The following SORD variants were observed in gnomAD, a reference collection of about 807,000 sequenced individuals.
SORD encodes sorbitol dehydrogenase, also known as (R,R)-butanediol dehydrogenase.
Under a neutral mutation model 35.6 loss-of-function variants are expected in SORD, and 18 were observed. The observed-to-expected ratio is 0.51, with a 90% CI of 0.35 to 0.75. The LOEUF (loss-of-function observed/expected upper bound fraction) is 0.75, where lower values mean the gene tolerates loss of function less well. Ranked by LOEUF, SORD falls within the 30% of genes least tolerant of loss-of-function variation. The pLI is 0.01. For missense variants in SORD, 250 were observed against 390.2 expected (o/e 0.64, Z 3.03); for synonymous variants, 106 against 152.9 (o/e 0.69, Z 2.26).
Position 45,073,525 on chromosome 15 carries a change from C to T in SORD, c.1069C>T (p.Pro357Ser). Reference protein sequence around the residue: ...MLKCDPSDQNP With the variant: ...MLKCDPSDQNS The stretch of plus-strand genomic sequence containing the variant: ...CAAGTGTGACCCCAGTGACCAGAAT[C>T]CCTGATGTTAATGGGCTCTGCCCTC... Residue 357 changes from proline (P) to serine (S), a missense_variant, in exon 9 of 9, where the codon CCC becomes TCC. Physicochemically the swap from Pro to Ser is moderately conservative, Grantham distance 74. Around this residue, in one of 8 missense-constraint regions of SORD, gnomAD observed 17 missense variants for 26.2 expected, o/e 0.65. Coordinates refer to ENST00000267814, the MANE Select transcript of SORD (RefSeq NM_003104.6). The T allele has an allele frequency of 1.3e-6, 2 of 1,588,592 alleles. No homozygotes were observed. The highest frequency in any genetic ancestry group is 1.8e-5 in the Admixed American group (1 of 55,978).
At chr15:45,037,341 G>A (rs1205517396) in intron 1 of SORD, among the ~76,000 whole-genome samples, 1 of 152,190 alleles carries the variant, frequency 6.6e-6, no homozygotes, top group Non-Finnish European at 1.5e-5. Context: ...TTACAGTAGT[G>A]TTCTCTCTAG....
chr15:45,034,263 G>C (rs1236927419), intron 1 of SORD, among the ~76,000 whole-genome samples: 2 of 150,258 alleles, frequency 1.3e-5, no homozygotes, highest in Non-Finnish European at 3.0e-5. Flanking sequence ...CGCAGCTGGT[G>C]GGGGAAGCCT....
chr15:45,061,139 T>C lies in SORD; in HGVS notation c.338T>C (p.Leu113Pro), dbSNP rs1368279112. Residue 113 changes from leucine to proline, a missense_variant, in exon 4 of 9, where the codon CTG becomes CCG. Physicochemically the swap from Leu to Pro is moderately conservative, Grantham distance 98. Coordinates refer to ENST00000267814, the MANE Select transcript of SORD (RefSeq NM_003104.6). ...TTCTGCAAGATGGGCCGATACAATC[T>C]GTCACCTTCCATCTTCTTCTGTGCC... ...DEFCKMGRYN[L>P]SPSIFFCATP... 3.1e-6 allele frequency: 5 copies of C among 1,614,038 alleles called. No individual in the cohort carries two copies. Among genetic ancestry groups the C allele is most frequent in the Non-Finnish European group, 3.4e-6 (4 of 1,180,018 alleles).
chr15:45,056,343 A>G (rs1387091230), intron 3 of SORD, among the ~76,000 whole-genome samples: 1 of 152,092 alleles, frequency 6.6e-6, no homozygotes, highest in Non-Finnish European at 1.5e-5. Flanking sequence ...TTATACACCA[A>G]TAACAGACAG....
At chr15:45,054,157 C>A (rs568683512) in intron 3 of SORD, among the ~76,000 whole-genome samples, 850 of 152,262 alleles carry the variant, frequency 5.6e-3, no homozygotes, top group Non-Finnish European at 9.3e-3. Context: ...TGGGTATATA[C>A]CCAGTAATGG....
chr15:45,043,998 T>C (rs554856229), intron 3 of SORD, among the ~76,000 whole-genome samples: 1 of 152,388 alleles, frequency 6.6e-6, no homozygotes, highest in Non-Finnish European at 1.5e-5. Flanking sequence ...GAGGCTGCTG[T>C]GCAGCCCGGA....
intron 3 of SORD, among the ~76,000 whole-genome samples, chr15:45,056,439 G>T (rs1017325300): frequency 5.3e-5 from 8 of 152,110 alleles, no homozygotes; most frequent in Admixed American, 2.6e-4. Context: ...GGGACGTGAA[G>T]GACCTCTTCA....
rs552010093 is a variant in SORD at position 45,050,122 on chromosome 15, G to A, written c.265+6701G>A. On this transcript the variant is annotated intron_variant, in intron 3 of 8. Transcript: ENST00000267814. ...TTTTGAGACGGAGTCTCGCACTCTC[G>A]CCCAGGCTGGAGTGCAGTGGCGCCA... Among the ~76,000 whole-genome samples, 11 of 152,164 alleles carry A rather than the reference G, an allele frequency of 7.2e-5. No individual in the cohort carries two copies. In the South Asian group the frequency reaches 1.0e-3, roughly 14 times the overall value.
At chr15:45,024,479 A>G (rs1353461300) in intron 1 of SORD, among the ~76,000 whole-genome samples, 2 of 152,186 alleles carry the variant, frequency 1.3e-5, no homozygotes, top group Admixed American at 1.3e-4. Context: ...AGTTGAAGAA[A>G]GTACCATACC....
intron 1 of SORD, chr15:45,036,261 G>A: frequency 4.5e-6 from 2 of 447,698 alleles, no homozygotes; most frequent in Non-Finnish European, 8.9e-6. Context: ...ACCAATTCCG[G>A]ACACAAAGAG....
At chr15:45,061,046 C>A (rs200530764) in intron 3 of SORD, 21 bp from the exon 4 acceptor site, 206 of 1,613,892 alleles carry the variant, frequency 1.3e-4, no homozygotes, top group Non-Finnish European at 1.7e-4. Flanking sequence ...GACATGGTGC[C>A]ATCTTTGTTT....
intron 1 of SORD, among the ~76,000 whole-genome samples, chr15:45,032,285 TG>T (rs79440918): frequency 0.031 from 4,681 of 152,158 alleles, 205 homozygotes; most frequent in African/African-American, 0.09. Flanking sequence ...AGATTTAAGA[TG>T]GTAAATTTTA....
chr15:45,069,204 T>TTC, intron 7 of SORD, 152 bp downstream of exon 7: 1 of 425,854 alleles, frequency 2.3e-6, no homozygotes, highest in Non-Finnish European at 3.4e-6. Flanking sequence ...CTTTTTTTTT[T>TTC]TTTTTTTTTT....
intron 1 of SORD, among the ~76,000 whole-genome samples, chr15:45,035,463 C>CT (rs35134929): frequency 3.0e-4 from 46 of 151,804 alleles, no homozygotes; most frequent in African/African-American, 1.1e-3. Flanking sequence ...TCTAGCTAAT[C>CT]TGGGGGGGAG....
chr15:45,061,039 A>G (rs1255148842), intron 3 of SORD, 28 bp from the exon 4 acceptor site: 4 of 1,613,798 alleles, frequency 2.5e-6, no homozygotes, highest in Admixed American at 3.3e-5. Flanking sequence ...ACCCTCGGAC[A>G]TGGTGCCATC....
At chr15:45,044,159 T>G (rs1439723363) in intron 3 of SORD, among the ~76,000 whole-genome samples, 2 of 152,226 alleles carry the variant, frequency 1.3e-5, no homozygotes, top group Non-Finnish European at 2.9e-5. Flanking sequence ...TGTTAAGTCA[T>G]TCATCATTAG....
At chr15:45,049,561 GT>G (rs1201708607) in intron 3 of SORD, among the ~76,000 whole-genome samples, 3 of 152,178 alleles carry the variant, frequency 2.0e-5, no homozygotes, top group Non-Finnish European at 2.9e-5. Context: ...GGCAGCTATA[GT>G]TATGCCTGCC....
chr15:45,042,138 G>A (rs1193059572), intron 2 of SORD, among the ~76,000 whole-genome samples: 3 of 152,146 alleles, frequency 2.0e-5, no homozygotes, highest in Admixed American at 2.0e-4. Flanking sequence ...CTGAGTCAGA[G>A]ATGATGGTAC....
At chr15:45,061,471 A>G (rs1034809204) in intron 4 of SORD, among the ~76,000 whole-genome samples, 1 of 152,160 alleles carries the variant, frequency 6.6e-6, no homozygotes. Flanking sequence ...ACAATAGAAA[A>G]TTATTGCTGA....
Sources: gnomAD v4.1 joint callset for allele counts (sites outside exome capture counted in the v4.1 genomes callset) on GRCh38, gnomAD v4.1.1 for gene constraint, gnomAD v4.1.1 regional missense constraint, MANE v1.5 for transcripts, NCBI Gene and HGNC (gene_info 2026-07-23, HGNC 2026-07-21) for gene names.